Variants in P2RY8 observed in about 807,000 individuals in gnomAD.
P2RY8 encodes P2Y receptor family member 8.
In P2RY8, 6 loss-of-function variants were observed where a neutral mutation model predicts 10.0. The ratio of observed to expected loss-of-function variants is 0.60; its 90% CI spans 0.33 to 1.19. The LOEUF is 1.19. Ranked by LOEUF, P2RY8 falls within the 50% of genes most tolerant of loss-of-function variation. P2RY8 has a pLI of 0.04. For missense variants in P2RY8, 456 were observed against 542.0 expected, an observed-to-expected ratio of 0.84 and a Z score of 1.58; for synonymous variants, 276 against 252.5, an observed-to-expected ratio of 1.09 and a Z score of -0.88.
chrX:1,528,458 C>T (rs1446570733), intron 1 of P2RY8, among the ~76,000 whole-genome samples: 16 of 152,214 alleles, frequency 1.1e-4, no homozygotes, highest in African/African-American at 7.2e-5. Flanking sequence ...CAGTCAGCAC[C>T]GTGTGAACTC....
chrX:1,520,842 A>C (rs2092384985), intron 1 of P2RY8, among the ~76,000 whole-genome samples: 1 of 151,300 alleles, frequency 6.6e-6, no homozygotes, highest in Non-Finnish European at 1.5e-5. Flanking sequence ...GGTCCCCAAT[A>C]ATCTCCATAG....
At chrX:1,518,235 G>T (rs2092365233) in intron 1 of P2RY8, among the ~76,000 whole-genome samples, 1 of 151,412 alleles carries the variant, frequency 6.6e-6, no homozygotes, top group African/African-American at 2.4e-5. Flanking sequence ...AGACCATCCT[G>T]GCCAACATGG....
intron 1 of P2RY8, among the ~76,000 whole-genome samples, chrX:1,530,149 GTATGTATGATCTATCTATC>G (rs761471161): frequency 0.54 from 70,405 of 131,486 alleles, 19,104 homozygotes; most frequent in Admixed American, 0.65. Flanking sequence ...ATGTATGTAT[GTATGTATGATCTATCTATC>G]TATCTATCTA....
intron 1 of P2RY8, among the ~76,000 whole-genome samples, chrX:1,498,361 G>A (rs1486693708): frequency 2.2e-4 from 31 of 138,942 alleles, no homozygotes; most frequent in East Asian, 4.5e-4. Context: ...AGCCGAGATC[G>A]CGCCACTGCA....
intron 1 of P2RY8, among the ~76,000 whole-genome samples, chrX:1,495,771 A>C (rs752959159): frequency 8.7e-6 from 1 of 115,260 alleles, no homozygotes; most frequent in African/African-American, 2.6e-5. Context: ...CCCTGCCCAT[A>C]CCTGGATCTC....
chrX:1,467,790 C>G (rs111400525), intron 1 of P2RY8, among the ~76,000 whole-genome samples: 1 of 151,906 alleles, frequency 6.6e-6, no homozygotes, highest in African/African-American at 2.4e-5. Context: ...AATCCTCCTG[C>G]CTCAGCCTCC....
rs1170051824 is a variant in P2RY8, at chrX:1,509,796, C to CCTATCTATCTATCTATCTAT, written c.-25+27105_-25+27124dup. Reference sequence around the variant, plus strand: ...ATCTATCTATCATCTATGTATCCATCCTATCTATCTATCTATCTATCTATC... The same window carrying CCTATCTATCTATCTATCTAT: ...ATCTATCTATCATCTATGTATCCATCCTATCTATCTATCTATCTATCTATCTATCTATCTATCTATCTATC... On this transcript the variant is annotated intron_variant, in intron 1 of 1. Transcript: ENST00000381297. Among the ~76,000 whole-genome samples, 29 of 105,114 alleles carry CCTATCTATCTATCTATCTAT rather than the reference C, an allele frequency of 2.8e-4. 1 individual carries two copies. The highest frequency in any genetic ancestry group is 9.3e-4 in the South Asian group (3 of 3,214). 69.0% of individuals were successfully genotyped at this position (105,114 alleles called of 152,430 possible). A position where few individuals can be genotyped will look rare whatever the true frequency, so the allele number is the denominator to read the frequency against.
chrX:1,467,259 A>T (rs1179218144), intron 1 of P2RY8, among the ~76,000 whole-genome samples: 2 of 152,122 alleles, frequency 1.3e-5, no homozygotes, highest in South Asian at 2.1e-4. Context: ...ACCCGCGTCA[A>T]CCCACGGCTC....
At chrX:1,523,089 A>ATAAG (rs1227568253) in intron 1 of P2RY8, among the ~76,000 whole-genome samples, 18 of 146,656 alleles carry the variant, frequency 1.2e-4, no homozygotes, top group Non-Finnish European at 2.2e-4. Flanking sequence ...AAATAAATAA[A>ATAAG]TAAATAAATA....
At position 1,465,491 on chromosome X, in the gene P2RY8, C is replaced by G; in HGVS notation, c.1068G>C (p.Glu356Asp). The G allele has an allele frequency of 1.2e-6, 2 of 1,607,066 alleles. No homozygotes were observed. Among genetic ancestry groups the G allele is most frequent in the Non-Finnish European group, 1.7e-6 (2 of 1,176,958 alleles). Residue 356 changes from glutamate to aspartate, a missense_variant, in exon 2 of 2, where the codon GAG becomes GAC. Glu to Asp is a conservative substitution (Grantham distance 45). Transcript: ENST00000381297. Reference protein sequence around the residue: ...GATRPGLQRQESVF With the variant: ...GATRPGLQRQDSVF The stretch of plus-strand genomic sequence containing the variant: ...GCGCCCCCGGGACTCAGAACACACT[C>G]TCCTGCCTCTGGAGGCCGGGCCTGG...
At chrX:1,498,406 A>AG (rs2092140576) in intron 1 of P2RY8, among the ~76,000 whole-genome samples, 1 of 82,240 alleles carries the variant, frequency 1.2e-5, no homozygotes, top group South Asian at 3.3e-4. Flanking sequence ...ACTCTGTCTC[A>AG]AAAAAAAAAA....
Position 1,533,042 on chromosome X carries a change from GA to G in P2RY8, c.-25+3878del, listed in dbSNP as rs1176580168. Among the ~76,000 whole-genome samples the G allele has an allele frequency of 6.2e-5, 8 of 128,052 alleles. No individual in the cohort carries two copies. The East Asian group carries it at 8.5e-4, about 14-fold the overall frequency. 84.0% of individuals were successfully genotyped at this position (128,052 alleles called of 152,430 possible). On this transcript the variant is annotated intron_variant, in intron 1 of 1. Transcript: ENST00000381297. ...AAAAAAAAACGAAAGAAAGAAAAAA[GA>G]AAAAAAAAGGAATGACACAAAGGAC... is the stretch of plus-strand genomic sequence containing the variant.
chrX:1,496,823 G>A (rs868048105), intron 1 of P2RY8, among the ~76,000 whole-genome samples: 1 of 148,216 alleles, frequency 6.7e-6, no homozygotes, highest in East Asian at 2.1e-4. Flanking sequence ...TCAGGCTCCC[G>A]AGTAGCTGGG....
intron 1 of P2RY8, among the ~76,000 whole-genome samples, chrX:1,530,359 CATCT>C (rs2092465953): frequency 2.0e-5 from 3 of 151,078 alleles, no homozygotes; most frequent in Non-Finnish European, 4.4e-5. Flanking sequence ...ATCTATTGCT[CATCT>C]ATCTAGGTAT....
intron 1 of P2RY8, among the ~76,000 whole-genome samples, chrX:1,487,746 C>T (rs1168214331): frequency 6.6e-6 from 1 of 152,078 alleles, no homozygotes; most frequent in African/African-American, 2.4e-5. Flanking sequence ...GGAGCATAGT[C>T]CTGGCCTGCT....
chrX:1,478,132 G>C (rs2091895839), intron 1 of P2RY8, among the ~76,000 whole-genome samples: 1 of 152,056 alleles, frequency 6.6e-6, no homozygotes, highest in Non-Finnish European at 1.5e-5. Context: ...CAATAACAAA[G>C]AGAAGTTCTT....
intron 1 of P2RY8, among the ~76,000 whole-genome samples, chrX:1,468,465 A>G (rs1423392853): frequency 1.3e-5 from 2 of 152,324 alleles, no homozygotes; most frequent in Non-Finnish European, 1.5e-5. Context: ...GACAGCCAGG[A>G]CTGCTGAGGA....
chrX:1,518,404 T>C lies in P2RY8; in HGVS notation c.-25+18517A>G, dbSNP rs1338501263. On this transcript the variant is annotated intron_variant, in intron 1 of 1. Coordinates refer to ENST00000381297, the MANE Select transcript of P2RY8 (RefSeq NM_178129.5). Reference sequence around the variant, plus strand: ...CTGTGCCACTGCACTCCAGCGTGGGTGACAGAGCGAGACTCCGTCTCAAAA... The same window carrying C: ...CTGTGCCACTGCACTCCAGCGTGGGCGACAGAGCGAGACTCCGTCTCAAAA... Among the ~76,000 whole-genome samples the C allele has an allele frequency of 1.4e-4, 20 of 142,642 alleles. 1 individual carries two copies. The highest frequency in any genetic ancestry group is 3.6e-4 in the Admixed American group (5 of 13,798). 93.6% of individuals were successfully genotyped at this position (142,642 alleles called of 152,430 possible). A position where few individuals can be genotyped will look rare whatever the true frequency, so the allele number is the denominator to read the frequency against.
At chrX:1,504,110 A>G (rs4595307) in intron 1 of P2RY8, among the ~76,000 whole-genome samples, 148,216 of 152,094 alleles carry the variant, frequency 0.97, 72,326 homozygotes, top group Middle Eastern at 1. Context: ...GAGGTCAGGA[A>G]TTCGAGACCA....
Sources: gnomAD v4.1 joint callset for allele counts (sites outside exome capture counted in the v4.1 genomes callset) on GRCh38, gnomAD v4.1.1 for gene constraint, MANE v1.5 for transcripts, NCBI Gene and HGNC (gene_info 2026-07-23, HGNC 2026-07-21) for gene names.